Variants in PIK3C2G observed in about 807,000 individuals in gnomAD.
The protein encoded by PIK3C2G is phosphatidylinositol-4-phosphate 3-kinase catalytic subunit type 2 gamma.
In PIK3C2G, 168 loss-of-function variants were observed where a neutral mutation model predicts 181.1. The ratio of observed to expected loss-of-function variants is 0.93; its 90% confidence interval spans 0.82 to 1.05. The LOEUF (loss-of-function observed/expected upper bound fraction) is 1.05, where lower values mean the gene tolerates loss of function less well. Ranked by LOEUF, PIK3C2G falls within the 50% of genes least tolerant of loss-of-function variation. The pLI is 0.00. For synonymous variants in PIK3C2G, 573 were observed against 592.2 expected, an observed-to-expected ratio of 0.97 and a Z score of 0.47; for missense variants, 1,869 against 1,732.8, an observed-to-expected ratio of 1.08 and a Z score of -1.40.
chr12:18,306,671 C>G (rs1483628726), intron 5 of PIK3C2G, among the ~76,000 whole-genome samples: 2 of 152,016 alleles, frequency 1.3e-5, no homozygotes, highest in Non-Finnish European at 2.9e-5. Flanking sequence ...ATACACATAA[C>G]TAGCTGAAAA....
chr12:18,505,152 C>G, intron 23 of PIK3C2G, 140 bp from the exon 24 acceptor site: 1 of 599,210 alleles, frequency 1.7e-6, no homozygotes, highest in Non-Finnish European at 2.9e-6. Context: ...TTAACTGTAC[C>G]CTCCTGTCCA....
At chr12:18,717,923 A>G in the PIK3C2G span, among the ~76,000 whole-genome samples, 65 of 152,254 alleles carry the variant, frequency 4.3e-4, no homozygotes, top group African/African-American at 1.5e-3. Context: ...CAAGCTAGCA[A>G]TATGCTGTAT....
At chr12:18,684,433 G>A in the PIK3C2G span, among the ~76,000 whole-genome samples, 3 of 152,040 alleles carry the variant, frequency 2.0e-5, no homozygotes, top group African/African-American at 7.2e-5. Context: ...CAGTGTGAGA[G>A]GAATAATAAC....
At chr12:18,493,955 G>A (rs1284727326) in intron 20 of PIK3C2G, among the ~76,000 whole-genome samples, 1 of 152,172 alleles carries the variant, frequency 6.6e-6, no homozygotes, top group Non-Finnish European at 1.5e-5. Flanking sequence ...AAGTGGGAGA[G>A]TGGGAGGAAC....
At chr12:18,407,683 C>T (rs1944615926) in intron 16 of PIK3C2G, among the ~76,000 whole-genome samples, 1 of 152,044 alleles carries the variant, frequency 6.6e-6, no homozygotes, top group Non-Finnish European at 1.5e-5. Flanking sequence ...AACAAAAGAA[C>T]CAAACCTTTC....
At chr12:18,708,990 CTT>C in the PIK3C2G span, among the ~76,000 whole-genome samples, 3 of 151,994 alleles carry the variant, frequency 2.0e-5, no homozygotes, top group Non-Finnish European at 4.4e-5. Flanking sequence ...TGATTGTTTC[CTT>C]TGCTGTGCAA....
intron 16 of PIK3C2G, among the ~76,000 whole-genome samples, chr12:18,412,341 T>G (rs190920853): frequency 2.6e-4 from 39 of 152,252 alleles, no homozygotes; most frequent in African/African-American, 9.4e-4. Context: ...TACAGGGGTG[T>G]TACAAGGCTA....
upstream of PIK3C2G, among the ~76,000 whole-genome samples, chr12:18,259,814 T>C (rs1006703416): frequency 2.6e-5 from 4 of 152,112 alleles, no homozygotes; most frequent in African/African-American, 9.7e-5. Context: ...CTGTCTTAAA[T>C]ACTTTGCCTA....
In PIK3C2G at chr12:18,563,489, C is replaced by A. The variant is rs1018920894; in HGVS notation, c.3893C>A (p.Thr1298Asn). The change falls in exon 28 of 33, where the codon ACT becomes AAT. Residue 1298 changes from threonine (T) to asparagine (N), a missense_variant. Transcript: ENST00000538779. ...CTTCAGAAGCAGTTTGCATCACTGA[C>A]TCTCCCAGAGTAAGGCACTGTCCTT... ...SQLQKQFASL[T>N]LPEFPHWWHL... is the part of the protein sequence containing the mutation. 1 of 1,613,662 alleles carries A rather than the reference C, an allele frequency of 6.2e-7. No individual in the cohort carries two copies. The highest frequency in any genetic ancestry group is 1.3e-5 in the African/African-American group (1 of 74,924).
chr12:18,723,123 G>A, the PIK3C2G span, among the ~76,000 whole-genome samples: 1 of 151,890 alleles, frequency 6.6e-6, no homozygotes, highest in Non-Finnish European at 1.5e-5. Context: ...TGTCATGGTT[G>A]CATACTATAG....
At chr12:18,358,638 C>G (rs142031974) in intron 11 of PIK3C2G, 1 of 489,394 alleles carries the variant, frequency 2.0e-6, no homozygotes, top group East Asian at 5.8e-5. Flanking sequence ...AAATTCCTAT[C>G]CTCAGCTGGT....
intron 11 of PIK3C2G, chr12:18,358,651 G>A: frequency 4.1e-6 from 2 of 489,724 alleles, no homozygotes; most frequent in Admixed American, 2.1e-5. Flanking sequence ...CAGCTGGTCA[G>A]CATCATCAAA....
rs1944748836 is a variant in PIK3C2G, at chr12:18,409,735, G to GT, written c.2315+9889dup. Among the ~76,000 whole-genome samples the GT allele has an allele frequency of 5.3e-5, 8 of 152,200 alleles. No individual in the cohort carries two copies. The South Asian group carries it at 1.5e-3, about 28-fold the overall frequency. Reference sequence around the variant, plus strand: ...TGTGAAAAAGAGATGTGTCAAGGATGTATTAGTCTGTTCTCACATTGCTAT... The same window carrying GT: ...TGTGAAAAAGAGATGTGTCAAGGATGTTATTAGTCTGTTCTCACATTGCTAT... On this transcript the variant is annotated intron_variant, in intron 16 of 32. Transcript: ENST00000538779.
intron 5 of PIK3C2G, among the ~76,000 whole-genome samples, chr12:18,307,715 C>T (rs1181180265): frequency 6.6e-6 from 1 of 151,748 alleles, no homozygotes; most frequent in African/African-American, 2.4e-5. Context: ...TTTTTTACTG[C>T]ACTTACTTAT....
At chr12:18,528,879 C>A (rs1441737868) in intron 24 of PIK3C2G, among the ~76,000 whole-genome samples, 2 of 152,140 alleles carry the variant, frequency 1.3e-5, no homozygotes, top group South Asian at 4.1e-4. Flanking sequence ...CAAAAATACC[C>A]TTTAAAGTCT....
chr12:18,589,222 G>A (rs970664603), intron 29 of PIK3C2G, among the ~76,000 whole-genome samples: 3 of 151,794 alleles, frequency 2.0e-5, no homozygotes, highest in Admixed American at 2.0e-4. Context: ...TTTTAATCAG[G>A]AGATCTATTT....
intron 14 of PIK3C2G, among the ~76,000 whole-genome samples, chr12:18,384,519 A>G (rs1943047005): frequency 6.6e-6 from 1 of 152,220 alleles, no homozygotes. Context: ...ATTTTCAAGT[A>G]TGACCATTGT....
In PIK3C2G at chr12:18,472,989, C is replaced by T. The variant is rs569468948; in HGVS notation, c.2505-15460C>T. 1.3e-5 allele frequency among the ~76,000 whole-genome samples: 2 copies of T among 152,262 alleles called. 1 individual carries two copies. The highest frequency in any genetic ancestry group is 4.8e-5 in the African/African-American group (2 of 41,560). The stretch of plus-strand genomic sequence containing the variant: ...TACTAGGATTACAGGCGTGAGCCGT[C>T]GCGCATGGCCTATTTTGATGTTTTT... On this transcript the variant is annotated intron_variant, in intron 18 of 32. Coordinates refer to ENST00000538779, the MANE Select transcript of PIK3C2G (RefSeq NM_001288772.2).
chr12:18,284,754 G>A (rs1244344741), intron 2 of PIK3C2G, among the ~76,000 whole-genome samples: 1 of 152,058 alleles, frequency 6.6e-6, no homozygotes, highest in Non-Finnish European at 1.5e-5. Context: ...AACTGGATGT[G>A]CTTAACAACA....
Sources: gnomAD v4.1 joint callset for allele counts (sites outside exome capture counted in the v4.1 genomes callset) on GRCh38, gnomAD v4.1.1 for gene constraint, MANE v1.5 for transcripts, NCBI Gene and HGNC (gene_info 2026-07-23, HGNC 2026-07-21) for gene names.